Variants in TMEM114 observed in about 807,000 individuals in gnomAD.
TMEM114 encodes transmembrane protein 114.
TMEM114 carries 6 observed loss-of-function variants against 6.2 expected under a neutral mutation model. The observed-to-expected ratio is 0.97, with a 90% CI of 0.53 to 1.91. The LOEUF is 1.91. Ranked by LOEUF, TMEM114 falls within the 40% of genes most tolerant of loss-of-function variation. The pLI, the probability that TMEM114 is intolerant of heterozygous loss-of-function variation, is 0.01. For synonymous variants in TMEM114, 104 were observed against 73.0 expected (o/e 1.42, Z -2.16); for missense variants, 218 against 158.3 (o/e 1.38, Z -2.02).
intron 2 of TMEM114, among the ~76,000 whole-genome samples, chr16:8,560,614 G>T (rs1046018793): frequency 9.2e-5 from 14 of 152,140 alleles, no homozygotes; most frequent in African/African-American, 2.7e-4. Context: ...GCTGGAGTTC[G>T]AGTCTCACCC....
intron 2 of TMEM114, among the ~76,000 whole-genome samples, chr16:8,581,880 G>C (rs1430697477): frequency 5.9e-5 from 9 of 152,144 alleles, no homozygotes; most frequent in Non-Finnish European, 1.3e-4. Flanking sequence ...AGATCCACAG[G>C]CACCTGCTCC....
chr16:8,570,523 G>C (rs544963277), intron 3 of TMEM114, among the ~76,000 whole-genome samples: 3 of 152,070 alleles, frequency 2.0e-5, no homozygotes, highest in African/African-American at 7.2e-5. Context: ...GTAGAGACAG[G>C]GTTTCACCAT....
chr16:8,554,598 G>T (rs1232466194), intron 2 of TMEM114, among the ~76,000 whole-genome samples: 1 of 152,110 alleles, frequency 6.6e-6, no homozygotes, highest in Admixed American at 6.5e-5. Context: ...CACGGACAGT[G>T]TCTGCTGGTG....
At chr16:8,546,850 G>C (rs1011853862) in intron 2 of TMEM114, among the ~76,000 whole-genome samples, 1 of 152,212 alleles carries the variant, frequency 6.6e-6, no homozygotes, top group Non-Finnish European at 1.5e-5. Context: ...CAAAACGCAA[G>C]TGATGCTGGC....
intron 2 of TMEM114, among the ~76,000 whole-genome samples, chr16:8,563,213 G>T (rs1222392457): frequency 6.6e-6 from 1 of 151,578 alleles, no homozygotes; most frequent in Non-Finnish European, 1.5e-5. Flanking sequence ...GAATGAGTGA[G>T]CAAATAAGTA....
chr16:8,547,283 G>C (rs1900699945), intron 2 of TMEM114, among the ~76,000 whole-genome samples: 1 of 152,118 alleles, frequency 6.6e-6, no homozygotes, highest in Admixed American at 6.5e-5. Flanking sequence ...TCTCCAAAGG[G>C]GTTAAGCAAG....
chr16:8,540,528 C>A (rs528373408), intron 2 of TMEM114, among the ~76,000 whole-genome samples: 2 of 152,332 alleles, frequency 1.3e-5, no homozygotes, highest in Non-Finnish European at 2.9e-5. Flanking sequence ...GTTATAATAG[C>A]ACCCATTTTA....
downstream of TMEM114, among the ~76,000 whole-genome samples, chr16:8,534,793 G>C (rs149769645): frequency 6.6e-6 from 1 of 152,308 alleles, no homozygotes; most frequent in African/African-American, 2.4e-5. Context: ...TCATCGCTAT[G>C]GTTGTACTCC....
chr16:8,581,517 G>A (rs1438321381), intron 2 of TMEM114, among the ~76,000 whole-genome samples: 4 of 151,024 alleles, frequency 2.6e-5, no homozygotes, highest in Admixed American at 2.6e-4. Flanking sequence ...GCAATGGTGT[G>A]ATCTCGGCCC....
rs1901665924 is a variant in TMEM114 at position 8,569,827 on chromosome 16, G to A, written c.618C>T (p.Phe206=). 6.4e-7 allele frequency: 1 copy of A among 1,551,004 alleles called. No homozygotes were observed. Among genetic ancestry groups the A allele is most frequent in the African/African-American group, 1.4e-5 (1 of 73,156 alleles). The change falls in exon 4 of 4, where the codon TTC becomes TTT. Residue 206 remains phenylalanine (F), a synonymous_variant. Coordinates refer to ENST00000620492, the MANE Select transcript of TMEM114 (RefSeq NM_001146336.2). Reference sequence around the variant, plus strand: ...GGCTGAGCTCGCGGGCTGCTGCCAGGAAGGCTGCCCCGGTGAGCAGCTCGG... The same window carrying A: ...GGCTGAGCTCGCGGGCTGCTGCCAGAAAGGCTGCCCCGGTGAGCAGCTCGG... The part of the protein sequence containing the change: ...FIAELLTGAA[F]LAAARELSLR...
downstream of TMEM114, among the ~76,000 whole-genome samples, chr16:8,536,358 A>G (rs1166255057): frequency 3.9e-5 from 6 of 152,170 alleles, no homozygotes; most frequent in South Asian, 2.1e-4. Flanking sequence ...TAATTTGTAC[A>G]TAGCTAACTT....
At chr16:8,565,336 A>T (rs1458394721), downstream of TMEM114, among the ~76,000 whole-genome samples, 1 of 152,194 alleles carries the variant, frequency 6.6e-6, no homozygotes, top group Admixed American at 6.5e-5. Context: ...AAATGAATGG[A>T]TGGGTGGGTG....
chr16:8,557,012 C>T (rs557269148), intron 2 of TMEM114, among the ~76,000 whole-genome samples: 3 of 152,132 alleles, frequency 2.0e-5, no homozygotes, highest in Admixed American at 2.0e-4. Context: ...GTCTGAGATC[C>T]CATGGAAGAA....
At chr16:8,582,757 G>A (rs947709670) in intron 2 of TMEM114, among the ~76,000 whole-genome samples, 1 of 152,220 alleles carries the variant, frequency 6.6e-6, no homozygotes, top group Non-Finnish European at 1.5e-5. Flanking sequence ...GGGCATGGTG[G>A]TGCACACCTG....
In TMEM114 at chr16:8,569,639, T is replaced by C; in HGVS notation, c.*134A>G. The C allele has an allele frequency of 1.4e-6, 2 of 1,438,614 alleles. No homozygotes were observed. Among genetic ancestry groups the C allele is most frequent in the South Asian group, 1.5e-5 (1 of 67,504 alleles). The allele number at this position is 1,438,614 out of a possible 1,614,324, so 89.1% of individuals were successfully genotyped here. The stretch of plus-strand genomic sequence containing the variant: ...GGCCCCAAGCTTAGTCCGCGGGGAT[T>C]TGTGGGGGAAGGAGGGGGGTGCCTG... On this transcript the variant is annotated 3_prime_UTR_variant, in exon 4 of 4. Transcript: ENST00000620492.
At chr16:8,553,665 T>C (rs1028359362) in intron 2 of TMEM114, among the ~76,000 whole-genome samples, 4 of 152,090 alleles carry the variant, frequency 2.6e-5, no homozygotes, top group Non-Finnish European at 5.9e-5. Flanking sequence ...GTATTTTTAG[T>C]AGAGATGGGG....
chr16:8,551,560 G>C (rs75833044), intron 2 of TMEM114, among the ~76,000 whole-genome samples: 2,072 of 152,298 alleles, frequency 0.014, 44 homozygotes, highest in African/African-American at 0.048. Context: ...AGCAAAGAGA[G>C]AAAGTCCATC....
rs532632382 is a variant in TMEM114, at chr16:8,554,539, C to T, written n.213-16713G>A. Among the ~76,000 whole-genome samples the T allele has an allele frequency of 1.6e-3, 238 of 152,292 alleles. 1 individual carries two copies. The highest frequency in any genetic ancestry group is 5.4e-3 in the African/African-American group (223 of 41,574). On this transcript the variant is annotated intron_variant and non_coding_transcript_variant, in intron 2 of 2. Transcript: ENST00000623677. Reference sequence around the variant, plus strand: ...CGTGTGACACTTGATTGATCCTCCACCCCCAGCCGTGCTTTCTGTGGGGTT... The same window carrying T: ...CGTGTGACACTTGATTGATCCTCCATCCCCAGCCGTGCTTTCTGTGGGGTT...
chr16:8,557,562 T>G (rs773101044), intron 2 of TMEM114, among the ~76,000 whole-genome samples: 6 of 152,222 alleles, frequency 3.9e-5, no homozygotes, highest in Non-Finnish European at 8.8e-5. Context: ...TCACTAGTTT[T>G]GGCCACTACA....
Sources: gnomAD v4.1 joint callset for allele counts (sites outside exome capture counted in the v4.1 genomes callset) on GRCh38, gnomAD v4.1.1 for gene constraint, MANE v1.5 for transcripts, NCBI Gene and HGNC (gene_info 2026-07-23, HGNC 2026-07-21) for gene names.